Variants in TPD52 observed in about 807,000 individuals in gnomAD.
TPD52 encodes the protein tumor protein D52, also known as prostate and colon associated protein.
In TPD52, 17 loss-of-function variants were observed where a neutral mutation model predicts 31.3. The ratio of observed to expected loss-of-function variants is 0.54; its 90% CI spans 0.37 to 0.82. The LOEUF (loss-of-function observed/expected upper bound fraction) is 0.82, where lower values mean the gene tolerates loss of function less well. TPD52 is among the 40% of genes least tolerant of loss of function. TPD52 has a pLI of 0.00. For synonymous variants in TPD52, 83 were observed against 89.6 expected, an observed-to-expected ratio of 0.93 and a Z score of 0.42; for missense variants, 212 against 240.1, an observed-to-expected ratio of 0.88 and a Z score of 0.77.
chr8:80,102,183 T>G (rs993930012), intron 1 of TPD52, among the ~76,000 whole-genome samples: 1 of 152,122 alleles, frequency 6.6e-6, no homozygotes, highest in Admixed American at 6.5e-5. Flanking sequence ...CTTAGCTGAG[T>G]GGTTCTGGCT....
chr8:80,121,755 G>A (rs895849497), intron 1 of TPD52, among the ~76,000 whole-genome samples: 3 of 152,078 alleles, frequency 2.0e-5, no homozygotes, highest in Non-Finnish European at 4.4e-5. Flanking sequence ...AACCTGCATC[G>A]GATGGTCCTC....
At chr8:80,157,621 C>A (rs1020985946) in intron 1 of TPD52, among the ~76,000 whole-genome samples, 8 of 152,198 alleles carry the variant, frequency 5.3e-5, no homozygotes, top group African/African-American at 1.9e-4. Flanking sequence ...ATAGCCAAGG[C>A]ACTCCACGAT....
chr8:80,170,586 T>G (rs1406556221), intron 1 of TPD52, among the ~76,000 whole-genome samples: 4 of 152,234 alleles, frequency 2.6e-5, no homozygotes, highest in Non-Finnish European at 5.9e-5. Context: ...CTATCCTCAC[T>G]TCCCAAGATT....
At chr8:80,143,687 A>G (rs913628979) in intron 1 of TPD52, among the ~76,000 whole-genome samples, 1 of 152,238 alleles carries the variant, frequency 6.6e-6, no homozygotes, top group African/African-American at 2.4e-5. Context: ...CTGATCAATC[A>G]AAAATTATCA....
intron 1 of TPD52, among the ~76,000 whole-genome samples, chr8:80,129,796 T>C (rs60633691): frequency 0.17 from 24,974 of 149,760 alleles, 3,366 homozygotes; most frequent in African/African-American, 0.37. Flanking sequence ...ACCTCCCAGG[T>C]TCAAGCGATT....
chr8:80,151,398 A>G (rs1403323941), intron 1 of TPD52, among the ~76,000 whole-genome samples: 3 of 152,252 alleles, frequency 2.0e-5, no homozygotes, highest in African/African-American at 7.2e-5. Context: ...TTAAAACTTG[A>G]AGAAACAGCC....
At chr8:80,150,911 G>T (rs943756944) in intron 1 of TPD52, among the ~76,000 whole-genome samples, 1 of 152,218 alleles carries the variant, frequency 6.6e-6, no homozygotes, top group Non-Finnish European at 1.5e-5. Context: ...GGGACTGTTG[G>T]GAAGCCATTA....
chr8:80,107,071 T>C (rs180731870), intron 1 of TPD52, among the ~76,000 whole-genome samples: 86 of 152,160 alleles, frequency 5.7e-4, no homozygotes, highest in African/African-American at 1.6e-3. Context: ...TAGAATTGTC[T>C]AGATCTCCTG....
chr8:80,065,679 G>A (rs1712041327), intron 1 of TPD52, among the ~76,000 whole-genome samples: 1 of 152,100 alleles, frequency 6.6e-6, no homozygotes, highest in East Asian at 1.9e-4. Flanking sequence ...TTAAATTGAA[G>A]GATCAGTATT....
chr8:80,083,208 G>C (rs1288440570), intron 1 of TPD52, among the ~76,000 whole-genome samples: 1 of 151,026 alleles, frequency 6.6e-6, no homozygotes, highest in African/African-American at 2.4e-5. Context: ...AAAAAAACAG[G>C]ATTTATGAGT....
intron 1 of TPD52, among the ~76,000 whole-genome samples, chr8:80,106,676 G>A (rs1432575673): frequency 1.6e-5 from 2 of 124,880 alleles, no homozygotes; most frequent in African/African-American, 3.0e-5. Flanking sequence ...GGTCTTACTC[G>A]TTCTATTTTT....
At chr8:80,166,924 T>C (rs1811756372) in intron 1 of TPD52, among the ~76,000 whole-genome samples, 1 of 152,026 alleles carries the variant, frequency 6.6e-6, no homozygotes, top group Non-Finnish European at 1.5e-5. Flanking sequence ...ATAATAAAAT[T>C]GTGATTTGTT....
In TPD52 at chr8:80,093,433, C is replaced by T. The variant is rs114528140; in HGVS notation, c.20-28840G>A. On this transcript the variant is annotated intron_variant, in intron 1 of 7. Transcript: ENST00000518937. Reference sequence around the variant, plus strand: ...TAAAAGGAATAAATGAACTGGTGGACTACATTTTAATGTGGAAAAAACTTC... The same window carrying T: ...TAAAAGGAATAAATGAACTGGTGGATTACATTTTAATGTGGAAAAAACTTC... Among the ~76,000 whole-genome samples the T allele has an allele frequency of 5.0e-3, 760 of 152,228 alleles. 6 individuals carry two copies. The highest frequency in any genetic ancestry group is 0.017 in the African/African-American group (686 of 41,526).
In TPD52 at chr8:80,099,570, G is replaced by T. The variant is rs376914941; in HGVS notation, c.20-34977C>A. On this transcript the variant is annotated intron_variant, in intron 1 of 7. Transcript: ENST00000518937. ...CTGTCACCCAGGCTGAAGTGCAGTG[G>T]TGTGATCTCGGCTCACTGCAACCTC... Among the ~76,000 whole-genome samples, 25 of 151,318 alleles carry T rather than the reference G, an allele frequency of 1.7e-4. No individual in the cohort carries two copies. The East Asian group carries it at 3.9e-3, about 23-fold the overall frequency.
chr8:80,140,839 G>A (rs373005211), intron 1 of TPD52, among the ~76,000 whole-genome samples: 1 of 152,074 alleles, frequency 6.6e-6, no homozygotes, highest in Admixed American at 6.6e-5. Context: ...CCAAACTAAC[G>A]AGTGGGTCAC....
intron 1 of TPD52, among the ~76,000 whole-genome samples, chr8:80,163,455 T>TC (rs1811494524): frequency 6.6e-6 from 1 of 151,858 alleles, no homozygotes; most frequent in Admixed American, 6.6e-5. Flanking sequence ...TTACCAGGGG[T>TC]AGGGGATGGA....
At chr8:80,153,625 C>T (rs974939758) in intron 1 of TPD52, among the ~76,000 whole-genome samples, 2 of 152,180 alleles carry the variant, frequency 1.3e-5, no homozygotes, top group Non-Finnish European at 2.9e-5. Context: ...AAATAAATCA[C>T]CTCCATTTTG....
chr8:80,061,728 C>T (rs1586190738), intron 2 of TPD52, among the ~76,000 whole-genome samples: 1 of 152,034 alleles, frequency 6.6e-6, no homozygotes, highest in Non-Finnish European at 1.5e-5. Context: ...TTCAACAAAG[C>T]TGCAAAATAT....
chr8:80,171,367 CCCGAGTCCAAG>C, intron 1 of TPD52, 47 bp downstream of exon 1: 1 of 584,134 alleles, frequency 1.7e-6, no homozygotes, highest in Non-Finnish European at 2.1e-6. Context: ...CGAGCCAAAG[CCCGAGTCCAAG>C]CCCGAGTCCA....
Sources: gnomAD v4.1 joint callset for allele counts (sites outside exome capture counted in the v4.1 genomes callset) on GRCh38, gnomAD v4.1.1 for gene constraint, MANE v1.5 for transcripts, NCBI Gene and HGNC (gene_info 2026-07-23, HGNC 2026-07-21) for gene names.